Variants in IKZF1 observed in about 807,000 individuals in gnomAD.
IKZF1 encodes the protein IKAROS family zinc finger 1.
A neutral mutation model predicts 51.7 loss-of-function variants in IKZF1; 10 were observed. That is an observed-to-expected ratio of 0.19 (90% CI 0.12 to 0.33). The LOEUF (loss-of-function observed/expected upper bound fraction) is 0.33. Ranked by LOEUF, IKZF1 falls within the 10% of genes least tolerant of loss-of-function variation. IKZF1 has a pLI of 1.00. For synonymous variants in IKZF1, 280 were observed against 282.3 expected, an observed-to-expected ratio of 0.99 and a Z score of 0.08; for missense variants, 484 against 707.5, an observed-to-expected ratio of 0.68 and a Z score of 3.58.
chr7:50,356,133 G>T (rs906597240), intron 3 of IKZF1, among the ~76,000 whole-genome samples: 3 of 152,212 alleles, frequency 2.0e-5, no homozygotes, highest in African/African-American at 7.2e-5. Flanking sequence ...TACCCCGATA[G>T]ATTTATGTTT....
chr7:50,365,907 A>G (rs1178203467), intron 3 of IKZF1, among the ~76,000 whole-genome samples: 2 of 152,234 alleles, frequency 1.3e-5, no homozygotes, highest in Non-Finnish European at 2.9e-5. Flanking sequence ...GATAAAGAAA[A>G]TGTGGTACAT....
chr7:50,319,151 C>G, intron 2 of IKZF1, 50 bp downstream of exon 2: 1 of 1,554,400 alleles, frequency 6.4e-7, no homozygotes, highest in Non-Finnish European at 8.9e-7. Context: ...AAAAGCTTCC[C>G]TGGGGCCGGA....
At chr7:50,367,748 A>G (rs565402467) in intron 3 of IKZF1, 1 of 442,802 alleles carries the variant, frequency 2.3e-6, no homozygotes, top group Non-Finnish European at 4.1e-6. Flanking sequence ...AAGATGTTGA[A>G]CCCATCAGTA....
In IKZF1 at chr7:50,376,497, A is replaced by T. The variant is rs149346054; in HGVS notation, c.161-36A>T. ...TGTTTTGTTGAGTTTTTTTTTTGCA[A>T]TGACACTGAGTGGCCTCCTGTATTG... On this transcript the variant is annotated intron_variant, in intron 3 of 7. Coordinates refer to ENST00000331340, the MANE Select transcript of IKZF1 (RefSeq NM_006060.6). The surrounding 1 kb of genome is among the most constrained non-coding windows in gnomAD (Gnocchi z 4.5). 5.6e-6 allele frequency: 9 copies of T among 1,594,710 alleles called. No homozygotes were observed. Among genetic ancestry groups the T allele is most frequent in the Non-Finnish European group, 6.8e-6 (8 of 1,171,292 alleles).
intron 3 of IKZF1, among the ~76,000 whole-genome samples, chr7:50,358,847 G>A (rs1399173238): frequency 1.2e-5 from 1 of 80,600 alleles, no homozygotes; most frequent in Non-Finnish European, 2.3e-5. Context: ...ATATTACAAA[G>A]TCCTTGGAGT....
rs189495235 is a variant in IKZF1 at position 50,354,657 on chromosome 7, T to C, written c.161-21876T>C. 1.1e-4 allele frequency among the ~76,000 whole-genome samples: 17 copies of C among 152,090 alleles called. 1 individual carries two copies. In the East Asian group the frequency reaches 2.9e-3, roughly 26 times the overall value. Reference sequence around the variant, plus strand: ...AAAAGAGAACACCAAAATCCTGGAGTCACGGGTCTTCCATTACCCTCTCTA... The same window carrying C: ...AAAAGAGAACACCAAAATCCTGGAGCCACGGGTCTTCCATTACCCTCTCTA... On this transcript the variant is annotated intron_variant, in intron 3 of 7. Coordinates refer to ENST00000331340, the MANE Select transcript of IKZF1 (RefSeq NM_006060.6).
At chr7:50,309,135 G>A (rs948015740) in intron 1 of IKZF1, among the ~76,000 whole-genome samples, 6 of 152,268 alleles carry the variant, frequency 3.9e-5, no homozygotes, top group Non-Finnish European at 5.9e-5. Flanking sequence ...CGTGGCGCGG[G>A]GCCACGGCTT....
At chr7:50,330,523 G>A (rs1490889268) in intron 3 of IKZF1, among the ~76,000 whole-genome samples, 2 of 152,178 alleles carry the variant, frequency 1.3e-5, no homozygotes, top group East Asian at 1.9e-4. Context: ...CCACAAGACC[G>A]AAGTGCCCAA....
chr7:50,375,910 C>T (rs1259632952), intron 3 of IKZF1, among the ~76,000 whole-genome samples: 1 of 152,088 alleles, frequency 6.6e-6, no homozygotes, highest in African/African-American at 2.4e-5. Context: ...TGGTCATGTA[C>T]CAAAGCAACA....
chr7:50,368,088 G>A (rs1382996737), intron 3 of IKZF1: 2 of 703,018 alleles, frequency 2.8e-6, no homozygotes, highest in Non-Finnish European at 5.2e-6. Context: ...CTTGCTTCTG[G>A]AAAACAAAAG....
At chr7:50,325,536 G>A (rs1794729107) in intron 2 of IKZF1, among the ~76,000 whole-genome samples, 1 of 152,298 alleles carries the variant, frequency 6.6e-6, no homozygotes, top group Admixed American at 6.5e-5. Flanking sequence ...GCGCTTGGGA[G>A]GCCAAGGCAG....
chr7:50,322,164 T>C (rs779614146), intron 2 of IKZF1, among the ~76,000 whole-genome samples: 25 of 152,196 alleles, frequency 1.6e-4, no homozygotes, highest in African/African-American at 3.4e-4. Flanking sequence ...ATTTCTAAAG[T>C]TGGAAGAAAT....
chr7:50,333,655 G>A (rs952004939), intron 3 of IKZF1, among the ~76,000 whole-genome samples: 9 of 152,182 alleles, frequency 5.9e-5, no homozygotes, highest in African/African-American at 9.7e-5. Flanking sequence ...ACTGTTTGCC[G>A]AACTTCAAGT....
chr7:50,322,043 G>A (rs1793503267), intron 2 of IKZF1, among the ~76,000 whole-genome samples: 2 of 152,174 alleles, frequency 1.3e-5, no homozygotes, highest in Non-Finnish European at 2.9e-5. Context: ...ACGTAATGAT[G>A]AGAGCACTTA....
chr7:50,349,751 T>C (rs547504052), intron 3 of IKZF1, among the ~76,000 whole-genome samples: 2 of 152,346 alleles, frequency 1.3e-5, no homozygotes, highest in East Asian at 3.9e-4. Flanking sequence ...AACCATTTAT[T>C]CTATTGCATT....
chr7:50,333,665 T>G (rs1796912249), intron 3 of IKZF1, among the ~76,000 whole-genome samples: 1 of 152,200 alleles, frequency 6.6e-6, no homozygotes, highest in Non-Finnish European at 1.5e-5. Flanking sequence ...GAACTTCAAG[T>G]GGCTGGAGTA....
intron 1 of IKZF1, chr7:50,318,555 C>G (rs1051996881): frequency 4.5e-6 from 1 of 222,666 alleles, no homozygotes; most frequent in Admixed American, 5.7e-5. Context: ...CTCAGATATG[C>G]AGCCCTGCCT....
chr7:50,393,255 A>C (rs1029399784), intron 7 of IKZF1, among the ~76,000 whole-genome samples: 3 of 152,130 alleles, frequency 2.0e-5, no homozygotes, highest in Non-Finnish European at 2.9e-5. Context: ...GCCCTTGATG[A>C]AAAGGATAAC....
chr7:50,324,667 G>A (rs1368845056), intron 2 of IKZF1, among the ~76,000 whole-genome samples: 3 of 152,182 alleles, frequency 2.0e-5, no homozygotes, highest in South Asian at 2.1e-4. Flanking sequence ...AGGAACTGAA[G>A]GCAGATGTAA....
Sources: gnomAD v4.1 joint callset for allele counts (sites outside exome capture counted in the v4.1 genomes callset) on GRCh38, gnomAD v4.1.1 for gene constraint, Gnocchi (gnomAD v3.1) non-coding constraint, MANE v1.5 for transcripts, NCBI Gene and HGNC (gene_info 2026-07-23, HGNC 2026-07-21) for gene names.